Variants in SCARF1 observed in about 807,000 individuals in gnomAD.
SCARF1 encodes acetyl LDL receptor.
SCARF1 carries 49 observed loss-of-function variants against 76.3 expected under a neutral mutation model. The observed-to-expected ratio is 0.64, with a 90% CI of 0.51 to 0.81. The LOEUF is 0.81. Ranked by LOEUF, SCARF1 falls within the 40% of genes least tolerant of loss-of-function variation. SCARF1 has a pLI of 0.00. For synonymous variants in SCARF1, 495 were observed against 474.6 expected (o/e 1.04, Z -0.56); for missense variants, 1,098 against 1,143.9 (o/e 0.96, Z 0.58).
intron 4 of SCARF1, among the ~76,000 whole-genome samples, chr17:1,641,722 T>A (rs1043561218): frequency 3.3e-5 from 5 of 152,142 alleles, no homozygotes; most frequent in Non-Finnish European, 7.3e-5. Flanking sequence ...CTTATTTTAT[T>A]TTATTATTAT....
chr17:1,635,727 G>A, intron 10 of SCARF1, 110 bp from the exon 11 acceptor site: 5 of 1,345,218 alleles, frequency 3.7e-6, no homozygotes, highest in Non-Finnish European at 4.9e-6. Context: ...CAAGGAAGAG[G>A]GCAAGGATGA....
At chr17:1,635,794 T>TTTTC (rs1909511194) in intron 10 of SCARF1, among the ~76,000 whole-genome samples, 177 bp from the exon 11 acceptor site, 1 of 151,720 alleles carries the variant, frequency 6.6e-6, no homozygotes, top group African/African-American at 2.4e-5. Context: ...ACTTTTTTTT[T>TTTTC]TTTTAATTGT....
chr17:1,637,115 G>C, intron 8 of SCARF1, 53 bp from the exon 9 acceptor site: 6 of 1,591,458 alleles, frequency 3.8e-6, no homozygotes, highest in Non-Finnish European at 4.3e-6. Flanking sequence ...ACGGTGACCT[G>C]GGTCACCTTG....
In SCARF1 at chr17:1,640,342, C is replaced by T. The variant is rs796515063; in HGVS notation, c.1010+106G>A. 1.3e-5 allele frequency: 14 copies of T among 1,087,174 alleles called. No individual in the cohort carries two copies. Among genetic ancestry groups the T allele is most frequent in the Middle Eastern group, 3.1e-4 (1 of 3,248 alleles). The allele number at this position is 1,087,174 out of a possible 1,614,324, so 67.3% of individuals were successfully genotyped here. On this transcript the variant is annotated intron_variant, in intron 5 of 10. Coordinates refer to ENST00000263071, the MANE Select transcript of SCARF1 (RefSeq NM_003693.4). This position sits in a 1 kb window ranked among gnomAD's most constrained non-coding sequence, Gnocchi z 4.7. ...TTCAACAGGAGGGAGGCCCCTGGGG[C>T]CGCATGAACCTGTGTGTCGGGGAGG...
chr17:1,638,436 C>T (rs971878446), intron 8 of SCARF1: 10 of 168,184 alleles, frequency 5.9e-5, no homozygotes, highest in Non-Finnish European at 8.9e-5. Context: ...TGGTCCCCGC[C>T]GGTGTCAGCT....
At position 1,640,548 on chromosome 17, in the gene SCARF1, C is replaced by A; in HGVS notation, c.910G>T (p.Glu304Ter). 6.2e-7 allele frequency: 1 copy of A among 1,607,396 alleles called. No individual in the cohort carries two copies. Among genetic ancestry groups the A allele is most frequent in the East Asian group, 2.2e-5 (1 of 44,626 alleles). ...QQPCLPGTFG[E>*]SCEQQCPHCR... ...TGAGGGCACTGCTGTTCGCAGCTCT[C>A]GCCAAAGGTGCCAGGCAGGCAGGGC... Residue 304 changes from glutamate (E) to a stop codon, truncating the protein, a stop_gained, in exon 5 of 11, where the codon GAG becomes TAG. Transcript: ENST00000263071. LOFTEE classifies it high-confidence loss of function. The surrounding 1 kb of genome is among the most constrained non-coding windows in gnomAD (Gnocchi z 4.7).
Position 1,640,948 on chromosome 17 carries a change from G to A in SCARF1, c.792-282C>T, listed in dbSNP as rs1029355419. On this transcript the variant is annotated intron_variant, in intron 4 of 10. Coordinates refer to ENST00000263071, the MANE Select transcript of SCARF1 (RefSeq NM_003693.4). This position sits in a 1 kb window ranked among gnomAD's most constrained non-coding sequence, Gnocchi z 4.7. Reference sequence around the variant, plus strand: ...CCAGCAGCCCAGCCAGGGCAGGCGAGTCACCACCAAGCTCTGAGTCCCATT... The same window carrying A: ...CCAGCAGCCCAGCCAGGGCAGGCGAATCACCACCAAGCTCTGAGTCCCATT... Among the ~76,000 whole-genome samples the A allele has an allele frequency of 1.3e-5, 2 of 152,158 alleles. No homozygotes were observed. The highest frequency in any genetic ancestry group is 4.1e-4 in the South Asian group (2 of 4,830).
chr17:1,634,760 AG>A lies in SCARF1; in HGVS notation c.2490del (p.Ter831AspfsTer14), dbSNP rs769323005. On this transcript the variant is annotated frameshift_variant, in exon 11 of 11. Coordinates refer to ENST00000263071, the MANE Select transcript of SCARF1 (RefSeq NM_003693.4). LOFTEE classifies it high-confidence loss of function. Reference protein sequence around the residue: ...NVVPISRPPEP With the variant: ...NVVPISRPPEX ...CCCACTCCCCAAATTCAAGGTCATC[AG>A]GGTTCTGGTGGCCTGGAGATGGGTA... The A allele has an allele frequency of 1.7e-5, 27 of 1,584,962 alleles. No individual in the cohort carries two copies. Among genetic ancestry groups the A allele is most frequent in the Non-Finnish European group, 2.3e-5 (27 of 1,162,252 alleles).
intron 8 of SCARF1, among the ~76,000 whole-genome samples, chr17:1,637,723 T>C (rs1814986): frequency 0.71 from 107,736 of 151,780 alleles, 38,663 homozygotes; most frequent in East Asian, 0.96. Context: ...CCACTCACCT[T>C]GGCCTCCCAA....
chr17:1,636,659 T>A, intron 10 of SCARF1, 50 bp downstream of exon 10: 1 of 1,575,964 alleles, frequency 6.3e-7, no homozygotes, highest in Admixed American at 1.8e-5. Context: ...AAAGAGGGGG[T>A]CGTGGTGGGC....
Position 1,643,927 on chromosome 17 carries a change from G to T in SCARF1, c.306C>A (p.Ser102Arg). 7.4e-7 allele frequency: 1 copy of T among 1,353,042 alleles called. No homozygotes were observed. Among genetic ancestry groups the T allele is most frequent in the Non-Finnish European group, 9.5e-7 (1 of 1,055,424 alleles). The allele number at this position is 1,353,042 out of a possible 1,614,324, so 83.8% of individuals were successfully genotyped here. The change falls in exon 4 of 11, where the codon AGC becomes AGA. Residue 102 changes from serine to arginine, a missense_variant. Transcript: ENST00000263071. ...ACTGGCCGTGCGGGTGGCAGGGGCA[G>T]CTCTCACGGCAGTCGGGGCCCCAGT... ...GQYWGPDCRE[S>R]CPCHPHGQCE... is the part of the protein sequence containing the mutation.
At chr17:1,643,168 C>T (rs147308204) in intron 4 of SCARF1, among the ~76,000 whole-genome samples, 5,203 of 133,474 alleles carry the variant, frequency 0.039, 337 homozygotes, top group African/African-American at 0.13. Context: ...CCTCCGCCCC[C>T]TCCCCCGACC....
intron 4 of SCARF1, among the ~76,000 whole-genome samples, chr17:1,642,500 C>A (rs1296882231): frequency 6.6e-6 from 1 of 152,010 alleles, no homozygotes; most frequent in Non-Finnish European, 1.5e-5. Flanking sequence ...CATGTCCCTA[C>A]AAAGGACATG....
In SCARF1 at chr17:1,640,344, G is replaced by T; in HGVS notation, c.1010+104C>A. On this transcript the variant is annotated intron_variant, in intron 5 of 10. Coordinates refer to ENST00000263071, the MANE Select transcript of SCARF1 (RefSeq NM_003693.4). The surrounding 1 kb of genome is among the most constrained non-coding windows in gnomAD (Gnocchi z 4.7). The stretch of plus-strand genomic sequence containing the variant: ...CAACAGGAGGGAGGCCCCTGGGGCC[G>T]CATGAACCTGTGTGTCGGGGAGGGT... 1.8e-6 allele frequency: 2 copies of T among 1,107,480 alleles called. No individual in the cohort carries two copies. Among genetic ancestry groups the T allele is most frequent in the East Asian group, 2.6e-5 (1 of 38,448 alleles). The allele number at this position is 1,107,480 out of a possible 1,614,324, so 68.6% of individuals were successfully genotyped here.
rs1910266394 is a variant in SCARF1 at position 1,643,537 on chromosome 17, G to A, written c.696C>T (p.Ala232=). The A allele has an allele frequency of 7.1e-7, 1 of 1,409,288 alleles. No homozygotes were observed. The highest frequency in any genetic ancestry group is 2.9e-5 in the Admixed American group (1 of 33,986). 87.3% of individuals were successfully genotyped at this position (1,409,288 alleles called of 1,614,324 possible). A position where few individuals can be genotyped will look rare whatever the true frequency, so the allele number is the denominator to read the frequency against. ...QCECVRGRCS[A]ASGECTCPPG... ...GCGGGCAGGTGCACTCGCCGGAGGC[G>A]GCGCTGCAGCGGCCCCGCACACACT... The change falls in exon 4 of 11, where the codon GCC becomes GCT. Residue 232 remains alanine, a synonymous_variant. Transcript: ENST00000263071.
rs954063454 is a variant in SCARF1, at chr17:1,634,475, G to T, written c.*283C>A. The T allele has an allele frequency of 1.3e-5, 5 of 399,232 alleles. No homozygotes were observed. Among genetic ancestry groups the T allele is most frequent in the Non-Finnish European group, 2.2e-5 (5 of 227,032 alleles). 24.7% of individuals were successfully genotyped at this position (399,232 alleles called of 1,614,324 possible). ...TATTTCAGAAAAATGTTTTGCACGT[G>T]AAAGAAAGAATAGCCCTTATGAGGC... On this transcript the variant is annotated 3_prime_UTR_variant, in exon 11 of 11. Coordinates refer to ENST00000263071, the MANE Select transcript of SCARF1 (RefSeq NM_003693.4).
At position 1,634,441 on chromosome 17, in the gene SCARF1, G is replaced by C. The variant is rs570440457; in HGVS notation, c.*317C>G. 1 of 398,402 alleles carries C rather than the reference G, an allele frequency of 2.5e-6. No individual in the cohort carries two copies. The highest frequency in any genetic ancestry group is 4.4e-6 in the Non-Finnish European group (1 of 226,772). 24.7% of individuals were successfully genotyped at this position (398,402 alleles called of 1,614,324 possible). ...CAATCTTTTATCAGCAAACATGTAGGTTGTTTGCTATTTCAGAAAAATGTT... is the reference window on the plus strand; with the variant it reads ...CAATCTTTTATCAGCAAACATGTAGCTTGTTTGCTATTTCAGAAAAATGTT... On this transcript the variant is annotated 3_prime_UTR_variant, in exon 11 of 11. Transcript: ENST00000263071.
At position 1,643,477 on chromosome 17, in the gene SCARF1, G is replaced by A. The variant is rs1033079194; in HGVS notation, c.756C>T (p.Cys252=). Residue 252 remains cysteine (C), a synonymous_variant, in exon 4 of 11, where the codon TGC becomes TGT. Coordinates refer to ENST00000263071, the MANE Select transcript of SCARF1 (RefSeq NM_003693.4). ...GFRGARCELP[C]PAGSHGVQCA... ...ACTGCACCCCGTGGCTGCCTGCCGG[G>A]CAGGGCAGCTCGCAGCGCGCTCCGC... 1.5e-6 allele frequency: 2 copies of A among 1,315,986 alleles called. No homozygotes were observed. 81.5% of individuals were successfully genotyped at this position (1,315,986 alleles called of 1,614,324 possible). A position where few individuals can be genotyped will look rare whatever the true frequency, so the allele number is the denominator to read the frequency against.
Position 1,640,344 on chromosome 17 carries a change from G to A in SCARF1, c.1010+104C>T, listed in dbSNP as rs909356375. The A allele has an allele frequency of 4.2e-5, 47 of 1,107,356 alleles. No individual in the cohort carries two copies. Among genetic ancestry groups the A allele is most frequent in the South Asian group, 3.5e-4 (23 of 66,276 alleles). 68.6% of individuals were successfully genotyped at this position (1,107,356 alleles called of 1,614,324 possible). On this transcript the variant is annotated intron_variant, in intron 5 of 10. Transcript: ENST00000263071. This position sits in a 1 kb window ranked among gnomAD's most constrained non-coding sequence, Gnocchi z 4.7. ...CAACAGGAGGGAGGCCCCTGGGGCC[G>A]CATGAACCTGTGTGTCGGGGAGGGT...
Sources: gnomAD v4.1 joint callset for allele counts (sites outside exome capture counted in the v4.1 genomes callset) on GRCh38, gnomAD v4.1.1 for gene constraint, Gnocchi (gnomAD v3.1) non-coding constraint, MANE v1.5 for transcripts, NCBI Gene and HGNC (gene_info 2026-07-23, HGNC 2026-07-21) for gene names.